TRAPPC9: variants seen among roughly 807,000 people sequenced by gnomAD.
TRAPPC9 encodes trafficking protein particle complex subunit 9.
TRAPPC9 carries 83 observed loss-of-function variants against 124.0 expected under a neutral mutation model. The ratio of observed to expected loss-of-function variants is 0.67; its 90% CI spans 0.56 to 0.80. The LOEUF (loss-of-function observed/expected upper bound fraction) is 0.80, where lower values mean the gene tolerates loss of function less well. Among genes scored for constraint, TRAPPC9 ranks in the 30% least tolerant of loss-of-function variants. The pLI, the probability that TRAPPC9 is intolerant of heterozygous loss-of-function variation, is 0.00. For synonymous variants in TRAPPC9, 638 were observed against 617.5 expected (o/e 1.03, Z -0.49); for missense variants, 1,302 against 1,508.3 (o/e 0.86, Z 2.27).
At chr8:140,164,599 C>T (rs1050514275) in intron 17 of TRAPPC9, among the ~76,000 whole-genome samples, 5 of 152,228 alleles carry the variant, frequency 3.3e-5, no homozygotes, top group African/African-American at 1.2e-4. Flanking sequence ...GTCTTCTCCC[C>T]TGCCTGGTAC....
intron 21 of TRAPPC9, among the ~76,000 whole-genome samples, chr8:139,768,525 A>G (rs1300356839): frequency 2.0e-5 from 3 of 152,246 alleles, no homozygotes; most frequent in Non-Finnish European, 4.4e-5. Context: ...AAAATCATCT[A>G]GAAAGCTGCA....
intron 7 of TRAPPC9, among the ~76,000 whole-genome samples, chr8:140,381,096 T>G (rs1179361020): frequency 6.6e-6 from 1 of 151,396 alleles, no homozygotes; most frequent in African/African-American, 2.4e-5. Flanking sequence ...TCCCAGCTAC[T>G]TGGGAGGCTG....
intron 17 of TRAPPC9, among the ~76,000 whole-genome samples, chr8:140,091,849 C>T (rs1844585602): frequency 6.6e-6 from 1 of 152,200 alleles, no homozygotes; most frequent in Admixed American, 6.5e-5. Flanking sequence ...CTGTCGGTGA[C>T]TCCCTACTGC....
intron 17 of TRAPPC9, among the ~76,000 whole-genome samples, chr8:140,161,910 C>A (rs1038648405): frequency 1.3e-5 from 2 of 152,126 alleles, no homozygotes; most frequent in African/African-American, 4.8e-5. Context: ...GAGACACACA[C>A]AAAGAGGCCT....
chr8:140,405,935 A>C (rs2069474088), intron 5 of TRAPPC9, among the ~76,000 whole-genome samples: 1 of 152,220 alleles, frequency 6.6e-6, no homozygotes, highest in African/African-American at 2.4e-5. Flanking sequence ...TTTATTGAAG[A>C]ACATGAAATG....
chr8:140,071,542 C>T (rs1843157559), intron 17 of TRAPPC9, among the ~76,000 whole-genome samples: 1 of 152,198 alleles, frequency 6.6e-6, no homozygotes, highest in African/African-American at 2.4e-5. Context: ...GAGGCCCTGA[C>T]GTGCTGGACA....
intron 19 of TRAPPC9, among the ~76,000 whole-genome samples, chr8:139,940,849 A>T (rs1424722454): frequency 6.6e-6 from 1 of 152,222 alleles, no homozygotes; most frequent in African/African-American, 2.4e-5. Context: ...TCTTCCACAC[A>T]GAGGGAGGCT....
rs957857282 is a variant in TRAPPC9 at position 139,776,047 on chromosome 8, A to G, written c.3056-43845T>C. 2.0e-5 allele frequency among the ~76,000 whole-genome samples: 3 copies of G among 152,074 alleles called. No homozygotes were observed. Among genetic ancestry groups the G allele is most frequent in the African/African-American group, 7.2e-5 (3 of 41,386 alleles). On this transcript the variant is annotated intron_variant, in intron 21 of 22. Coordinates refer to ENST00000438773, the MANE Select transcript of TRAPPC9 (RefSeq NM_001160372.4). This position sits in a 1 kb window ranked among gnomAD's most constrained non-coding sequence, Gnocchi z 4.1. ...GGCTCTGAGCTGTCTTCCTCCTCTC[A>G]CCAGGCACCTTCAGAGGTCTTGAGC...
At chr8:140,436,090 A>G (rs2070803041) in intron 3 of TRAPPC9, among the ~76,000 whole-genome samples, 2 of 152,248 alleles carry the variant, frequency 1.3e-5, no homozygotes, top group Non-Finnish European at 2.9e-5. Flanking sequence ...TCATGCCAGT[A>G]ATCCCAGCAC....
Position 139,895,464 on chromosome 8 carries a change from T to G in TRAPPC9, c.2965-9495A>C, listed in dbSNP as rs545183241. Reference sequence around the variant, plus strand: ...TTTGTAAGTTTCTATAAGAAACAAATAAAAGTGGGTGCTCTGGGAGGTGGA... The same window carrying G: ...TTTGTAAGTTTCTATAAGAAACAAAGAAAAGTGGGTGCTCTGGGAGGTGGA... On this transcript the variant is annotated intron_variant, in intron 20 of 22. Transcript: ENST00000438773. 5.3e-5 allele frequency among the ~76,000 whole-genome samples: 8 copies of G among 152,256 alleles called. No homozygotes were observed. In the South Asian group the frequency reaches 1.7e-3, roughly 32 times the overall value.
At chr8:140,305,567 G>A (rs2131850995) in intron 10 of TRAPPC9, among the ~76,000 whole-genome samples, 1 of 152,278 alleles carries the variant, frequency 6.6e-6, no homozygotes, top group South Asian at 2.1e-4. Flanking sequence ...CTCCCAAAGT[G>A]TTCACATTAC....
At chr8:139,955,221 G>C (rs951276403) in intron 19 of TRAPPC9, among the ~76,000 whole-genome samples, 2 of 152,010 alleles carry the variant, frequency 1.3e-5, no homozygotes, top group African/African-American at 4.8e-5. Flanking sequence ...CCCCGTTTCT[G>C]GTAACAGTGA....
At chr8:140,154,084 C>T (rs890025425) in intron 17 of TRAPPC9, among the ~76,000 whole-genome samples, 1 of 152,142 alleles carries the variant, frequency 6.6e-6, no homozygotes, top group African/African-American at 2.4e-5. Flanking sequence ...TTAAAGGCAC[C>T]CTAAACTCGC....
intron 17 of TRAPPC9, among the ~76,000 whole-genome samples, chr8:140,135,356 T>C (rs1171730117): frequency 1.3e-5 from 2 of 152,150 alleles, no homozygotes; most frequent in Non-Finnish European, 2.9e-5. Flanking sequence ...CCAATACTCA[T>C]AGCAGCATTA....
At chr8:140,235,983 G>A (rs189049369) in intron 16 of TRAPPC9, among the ~76,000 whole-genome samples, 119 of 151,832 alleles carry the variant, frequency 7.8e-4, no homozygotes, top group African/African-American at 2.8e-3. Flanking sequence ...AAGAGACACT[G>A]ATTTCAGACT....
intron 17 of TRAPPC9, among the ~76,000 whole-genome samples, chr8:140,072,565 GAGA>G (rs1271497300): frequency 5.8e-5 from 2 of 34,212 alleles, no homozygotes; most frequent in African/African-American, 9.4e-5. Flanking sequence ...GGAGGAGGAG[GAGA>G]AAGGAAGGAG....
chr8:140,349,405 C>T (rs1244897190), intron 9 of TRAPPC9, among the ~76,000 whole-genome samples: 48 of 134,638 alleles, frequency 3.6e-4, no homozygotes, highest in African/African-American at 1.2e-3. Flanking sequence ...TGGGGGCGCG[C>T]GAGGGAAGGG....
intron 17 of TRAPPC9, among the ~76,000 whole-genome samples, chr8:140,189,624 C>G (rs567498164): frequency 1.3e-5 from 2 of 152,012 alleles, no homozygotes; most frequent in African/African-American, 4.8e-5. Flanking sequence ...AGAGTAGCAC[C>G]CATTTCTGGG....
intron 17 of TRAPPC9, among the ~76,000 whole-genome samples, chr8:140,086,540 C>A (rs1380490860): frequency 6.6e-6 from 1 of 152,190 alleles, no homozygotes; most frequent in Non-Finnish European, 1.5e-5. Flanking sequence ...GTCCCAGGCA[C>A]CCCATCCCGT....
Sources: gnomAD v4.1 joint callset for allele counts (sites outside exome capture counted in the v4.1 genomes callset) on GRCh38, gnomAD v4.1.1 for gene constraint, Gnocchi (gnomAD v3.1) non-coding constraint, MANE v1.5 for transcripts, NCBI Gene and HGNC (gene_info 2026-07-23, HGNC 2026-07-21) for gene names.